The following SYN3 variants were observed in gnomAD, a reference collection of about 807,000 sequenced individuals.
The protein encoded by SYN3 is synapsin-3.
In SYN3, 35 loss-of-function variants were observed where a neutral mutation model predicts 65.8. The ratio of observed to expected loss-of-function variants is 0.53; its 90% CI spans 0.41 to 0.70. SYN3 has a LOEUF of 0.70. SYN3 is among the 30% of genes least tolerant of loss of function. The pLI is 0.00. For synonymous variants in SYN3, 270 were observed against 292.9 expected (o/e 0.92, Z 0.80); for missense variants, 680 against 749.0 (o/e 0.91, Z 1.08).
chr22:32,908,385 C>CTTT (rs10719402), intron 4 of SYN3, among the ~76,000 whole-genome samples: 2 of 116,636 alleles, frequency 1.7e-5, no homozygotes, highest in Non-Finnish European at 1.7e-5. Context: ...CACGCCTAGC[C>CTTT]TTTTTTTTTT....
intron 6 of SYN3, among the ~76,000 whole-genome samples, chr22:32,650,741 T>G (rs908523644): frequency 2.0e-5 from 3 of 152,170 alleles, no homozygotes; most frequent in Admixed American, 1.3e-4. Flanking sequence ...GAGAGTATGC[T>G]CTGACTCACT....
chr22:33,004,501 C>T (rs2053149076), intron 2 of SYN3, among the ~76,000 whole-genome samples: 1 of 152,206 alleles, frequency 6.6e-6, no homozygotes, highest in Admixed American at 6.5e-5. Context: ...TCAGAGTTAC[C>T]TGGATGTGAG....
intron 4 of SYN3, among the ~76,000 whole-genome samples, chr22:32,915,199 C>CTTGTAT: frequency 6.6e-6 from 1 of 152,226 alleles, no homozygotes; most frequent in Admixed American, 6.5e-5. Context: ...TGCAGCAAAC[C>CTTGTAT]ACCATGGCAC....
intron 6 of SYN3, among the ~76,000 whole-genome samples, chr22:32,857,653 C>T (rs140061697): frequency 5.3e-5 from 8 of 152,294 alleles, no homozygotes; most frequent in Middle Eastern, 3.4e-3. Context: ...ACCTCACACT[C>T]GACCTGTTAG....
intron 6 of SYN3, among the ~76,000 whole-genome samples, chr22:32,724,847 G>A (rs1439209967): frequency 1.3e-5 from 2 of 152,264 alleles, no homozygotes; most frequent in Admixed American, 6.5e-5. Flanking sequence ...TGGGCCGAGC[G>A]CGGTGGCTCA....
Position 32,512,316 on chromosome 22 carries a change from G to A in SYN3, c.*1376C>T, listed in dbSNP as rs1329023925. On this transcript the variant is annotated 3_prime_UTR_variant, in exon 14 of 14. Transcript: ENST00000358763. ...AAAAGGAAGACATGTCTCATGTTGC[G>A]AAGTGGGAGGCAAGGGGCTAACATG... Among the ~76,000 whole-genome samples the A allele has an allele frequency of 1.3e-5, 2 of 152,166 alleles. No individual in the cohort carries two copies. The highest frequency in any genetic ancestry group is 2.9e-5 in the Non-Finnish European group (2 of 68,020).
chr22:32,840,868 G>A (rs2047880252), intron 6 of SYN3, among the ~76,000 whole-genome samples: 1 of 152,098 alleles, frequency 6.6e-6, no homozygotes, highest in South Asian at 2.1e-4. Flanking sequence ...TGTCATTGCT[G>A]GTCTCTCTCA....
At position 32,968,554 on chromosome 22, in the gene SYN3, CTTCT is replaced by C. The variant is rs545778407; in HGVS notation, c.369+12087_369+12090del. 2.5e-4 allele frequency among the ~76,000 whole-genome samples: 38 copies of C among 152,336 alleles called. No individual in the cohort carries two copies. In the South Asian group the frequency reaches 6.4e-3, roughly 26 times the overall value. On this transcript the variant is annotated intron_variant, in intron 3 of 13. Transcript: ENST00000358763. ...CCACCCTGAATAGACTGCCCTCCACCTTCTTTGTCAGCTTCGTCTCCCACCAACC... is the reference window on the plus strand; with the variant it reads ...CCACCCTGAATAGACTGCCCTCCACCTTGTCAGCTTCGTCTCCCACCAACC...
At chr22:32,770,989 C>A (rs1256989295) in intron 6 of SYN3, among the ~76,000 whole-genome samples, 1 of 151,826 alleles carries the variant, frequency 6.6e-6, no homozygotes, top group Non-Finnish European at 1.5e-5. Flanking sequence ...TTGCTGCACC[C>A]ATCAACCCAT....
chr22:32,988,858 T>C (rs1278264989), intron 2 of SYN3, among the ~76,000 whole-genome samples: 3 of 151,918 alleles, frequency 2.0e-5, no homozygotes, highest in Non-Finnish European at 2.9e-5. Context: ...GAAATGAATG[T>C]TCCTGGGTGT....
chr22:33,014,156 T>C (rs916762969), intron 1 of SYN3, among the ~76,000 whole-genome samples: 1 of 151,902 alleles, frequency 6.6e-6, no homozygotes, highest in Non-Finnish European at 1.5e-5. Flanking sequence ...CCTCAAGCAA[T>C]TCTCCTGCTT....
At chr22:32,615,448 A>AAAAAAAAAAAAAAAAAG (rs1458941523) in intron 6 of SYN3, among the ~76,000 whole-genome samples, 1 of 149,450 alleles carries the variant, frequency 6.7e-6, no homozygotes, top group African/African-American at 2.5e-5. Flanking sequence ...AAAAAAAAAA[A>AAAAAAAAAAAAAAAAAG]AAAGAAAAAA....
chr22:33,013,829 T>G (rs985424506), intron 1 of SYN3, among the ~76,000 whole-genome samples: 1 of 152,182 alleles, frequency 6.6e-6, no homozygotes, highest in Non-Finnish European at 1.5e-5. Context: ...TATTTGTCTT[T>G]CTGTCCCTGG....
At position 32,851,227 on chromosome 22, in the gene SYN3, C is replaced by T. The variant is rs951486837; in HGVS notation, c.711+13688G>A. ...CCAAAGCAGAGGTTCAGAAAACACACGAACCTGCCTGGTCTGGAACAATCC... is the reference window on the plus strand; with the variant it reads ...CCAAAGCAGAGGTTCAGAAAACACATGAACCTGCCTGGTCTGGAACAATCC... On this transcript the variant is annotated intron_variant, in intron 6 of 13. Transcript: ENST00000358763. Among the ~76,000 whole-genome samples, 5 of 152,288 alleles carry T rather than the reference C, an allele frequency of 3.3e-5. No homozygotes were observed. The East Asian group carries it at 5.8e-4, about 18-fold the overall frequency.
At chr22:32,631,167 C>A (rs144458737) in intron 6 of SYN3, among the ~76,000 whole-genome samples, 3 of 152,020 alleles carry the variant, frequency 2.0e-5, no homozygotes, top group African/African-American at 7.2e-5. Context: ...TGGTGGCATG[C>A]GCCTGTAATC....
At chr22:32,984,908 A>T (rs986166097) in intron 2 of SYN3, among the ~76,000 whole-genome samples, 6 of 152,200 alleles carry the variant, frequency 3.9e-5, no homozygotes, top group African/African-American at 1.4e-4. Flanking sequence ...TTCTAAGACA[A>T]GACACTTAGC....
At chr22:32,702,475 A>G (rs543481960) in intron 6 of SYN3, among the ~76,000 whole-genome samples, 2 of 152,326 alleles carry the variant, frequency 1.3e-5, no homozygotes, top group South Asian at 4.1e-4. Flanking sequence ...GTCTCAAATA[A>G]ATAAATAAAT....
intron 2 of SYN3, among the ~76,000 whole-genome samples, chr22:32,988,339 ATAAT>A (rs1569382001): frequency 7.6e-6 from 1 of 131,068 alleles, no homozygotes; most frequent in Non-Finnish European, 1.7e-5. Context: ...AATAATAATA[ATAAT>A]AATAAAATAA....
At chr22:32,777,182 T>C (rs571485278) in intron 6 of SYN3, among the ~76,000 whole-genome samples, 1 of 152,184 alleles carries the variant, frequency 6.6e-6, no homozygotes, top group South Asian at 2.1e-4. Context: ...GGCAGGAACA[T>C]TTAGTGACCC....
Sources: gnomAD v4.1 joint callset for allele counts (sites outside exome capture counted in the v4.1 genomes callset) on GRCh38, gnomAD v4.1.1 for gene constraint, MANE v1.5 for transcripts, NCBI Gene and HGNC (gene_info 2026-07-23, HGNC 2026-07-21) for gene names.